Variants in PRELID2 observed in about 807,000 individuals in gnomAD.
PRELID2 encodes PRELI domain containing 2.
In PRELID2, 25 loss-of-function variants were observed where a neutral mutation model predicts 28.4. The observed-to-expected ratio is 0.88, with a 90% CI of 0.64 to 1.23. The LOEUF (loss-of-function observed/expected upper bound fraction) is 1.23, where lower values mean the gene tolerates loss of function less well. Ranked by LOEUF, PRELID2 falls within the 50% of genes most tolerant of loss-of-function variation. PRELID2 has a pLI of 0.00. For missense variants in PRELID2, 201 were observed against 214.4 expected, an observed-to-expected ratio of 0.94 and a Z score of 0.39; for synonymous variants, 76 against 71.6, an observed-to-expected ratio of 1.06 and a Z score of -0.31.
intron 1 of PRELID2, among the ~76,000 whole-genome samples, chr5:145,522,001 G>A (rs996297281): frequency 5.3e-5 from 8 of 152,208 alleles, no homozygotes; most frequent in African/African-American, 1.9e-4. Context: ...TTGCCGTGCT[G>A]CTTTTCATTT....
the PRELID2 span, among the ~76,000 whole-genome samples, chr5:145,348,173 A>AATAATG: frequency 3.1e-3 from 465 of 152,290 alleles, 1 homozygote; most frequent in African/African-American, 0.011. Context: ...AAACATTGTC[A>AATAATG]ATAAACACAT....
chr5:145,795,217 T>A (rs554810190), intron 5 of PRELID2: 92 of 152,242 alleles, frequency 6.0e-4, no homozygotes, highest in African/African-American at 1.9e-3. Flanking sequence ...CTGCAGAACA[T>A]GGGAGTTTTT....
At chr5:145,786,960 G>A (rs2149803231) in intron 5 of PRELID2, among the ~76,000 whole-genome samples, 2 of 152,250 alleles carry the variant, frequency 1.3e-5, no homozygotes, top group Middle Eastern at 6.8e-3. Flanking sequence ...TGTTTGACTT[G>A]CCCGCATTGT....
At chr5:145,632,299 C>A (rs80147267) in intron 1 of PRELID2, among the ~76,000 whole-genome samples, 9,332 of 152,208 alleles carry the variant, frequency 0.061, 705 homozygotes, top group African/African-American at 0.18. Flanking sequence ...TTTATCAAAA[C>A]AATCACCGAA....
chr5:145,623,930 T>C (rs1427662332), intron 1 of PRELID2, among the ~76,000 whole-genome samples: 1 of 152,106 alleles, frequency 6.6e-6, no homozygotes, highest in Non-Finnish European at 1.5e-5. Flanking sequence ...CTGCCTTCAT[T>C]TCAGATGCCA....
chr5:145,251,845 A>G, the PRELID2 span, among the ~76,000 whole-genome samples: 4 of 152,140 alleles, frequency 2.6e-5, no homozygotes, highest in African/African-American at 9.6e-5. Flanking sequence ...GCCTCTGCCT[A>G]GACAGTCTAG....
chr5:145,545,228 A>G (rs770472675), intron 1 of PRELID2, among the ~76,000 whole-genome samples: 1 of 152,086 alleles, frequency 6.6e-6, no homozygotes, highest in Non-Finnish European at 1.5e-5. Context: ...CAGTGCATCA[A>G]ATGACAAATT....
chr5:145,368,266 C>T, the PRELID2 span, among the ~76,000 whole-genome samples: 22 of 151,960 alleles, frequency 1.4e-4, no homozygotes, highest in Non-Finnish European at 2.5e-4. Context: ...ATGGGATGCT[C>T]AACATAGTGT....
chr5:145,802,833 G>T (rs549487270), intron 4 of PRELID2, among the ~76,000 whole-genome samples: 49 of 152,258 alleles, frequency 3.2e-4, no homozygotes, highest in African/African-American at 1.1e-3. Flanking sequence ...TTAAAAATTT[G>T]TTTTCTTCTG....
At chr5:145,342,778 CA>C in the PRELID2 span, among the ~76,000 whole-genome samples, 1 of 149,210 alleles carries the variant, frequency 6.7e-6, no homozygotes, top group African/African-American at 2.5e-5. Flanking sequence ...CTCATTTTAT[CA>C]GTAAAGATAC....
chr5:145,328,006 C>T, the PRELID2 span, among the ~76,000 whole-genome samples: 3 of 152,052 alleles, frequency 2.0e-5, no homozygotes, highest in Non-Finnish European at 4.4e-5. Flanking sequence ...CATTGTTCAA[C>T]TCCCACTTAC....
the PRELID2 span, among the ~76,000 whole-genome samples, chr5:145,292,508 CAG>C: frequency 3.3e-5 from 5 of 152,092 alleles, no homozygotes; most frequent in Admixed American, 2.6e-4. Flanking sequence ...CTACTCCAAG[CAG>C]AGTCTCTCAC....
intron 1 of PRELID2, among the ~76,000 whole-genome samples, chr5:145,732,420 T>C (rs946337405): frequency 2.6e-5 from 4 of 152,334 alleles, no homozygotes; most frequent in African/African-American, 9.6e-5. Flanking sequence ...TGTTGTCCAA[T>C]AGAACTTTCT....
At chr5:145,574,518 G>A (rs1208898765) in intron 1 of PRELID2, among the ~76,000 whole-genome samples, 1 of 152,230 alleles carries the variant, frequency 6.6e-6, no homozygotes, top group Admixed American at 6.5e-5. Flanking sequence ...AGTGAAATTA[G>A]TCATCTTGTC....
chr5:145,477,782 C>G (rs545997794), intron 1 of PRELID2, among the ~76,000 whole-genome samples: 54 of 151,918 alleles, frequency 3.6e-4, no homozygotes, highest in African/African-American at 1.2e-3. Flanking sequence ...TTGTGGCATT[C>G]CTGGGTCAGT....
At chr5:145,380,849 G>C in the PRELID2 span, among the ~76,000 whole-genome samples, 19 of 152,124 alleles carry the variant, frequency 1.2e-4, no homozygotes, top group African/African-American at 4.3e-4. Context: ...CATAACAAAG[G>C]GTCTTGATAA....
chr5:145,373,097 G>A, the PRELID2 span, among the ~76,000 whole-genome samples: 2 of 60,642 alleles, frequency 3.3e-5, no homozygotes, highest in African/African-American at 7.5e-5. Flanking sequence ...TAATATATAT[G>A]ATATATATTA....
the PRELID2 span, among the ~76,000 whole-genome samples, chr5:145,336,513 C>A: frequency 6.6e-6 from 1 of 151,958 alleles, no homozygotes; most frequent in Non-Finnish European, 1.5e-5. Flanking sequence ...TTTCCCAGCA[C>A]CATTTATAAA....
At chr5:145,561,483 C>A (rs1351482458) in intron 1 of PRELID2, among the ~76,000 whole-genome samples, 1 of 152,070 alleles carries the variant, frequency 6.6e-6, no homozygotes, top group African/African-American at 2.4e-5. Flanking sequence ...TGTTTTCATT[C>A]AATAAATTGT....
Sources: allele counts gnomAD v4.1 joint callset (sites outside exome capture counted in the v4.1 genomes callset), GRCh38; gene constraint gnomAD v4.1.1; transcripts MANE v1.5; gene names NCBI Gene and HGNC (gene_info 2026-07-23, HGNC 2026-07-21).